WDR35: variants seen among roughly 807,000 people sequenced by gnomAD.
WDR35 encodes the protein WD repeat-containing protein 35.
A neutral mutation model predicts 158.3 loss-of-function variants in WDR35; 118 were observed. That is an observed-to-expected ratio of 0.75 (90% CI 0.64 to 0.87). WDR35 has a LOEUF of 0.87. WDR35 is among the 40% of genes least tolerant of loss of function. WDR35 has a pLI of 0.00. For missense variants in WDR35, 1,263 were observed against 1,405.8 expected (o/e 0.90, Z 1.62); for synonymous variants, 448 against 476.1 (o/e 0.94, Z 0.77).
chr2:19,974,566 T>C lies in WDR35; in HGVS notation c.638A>G (p.Tyr213Cys). The change falls in exon 7 of 27, where the codon TAC (tyrosine) becomes TGC (cysteine). Residue 213 changes from tyrosine to cysteine, a missense_variant. Tyr to Cys is a radical substitution (Grantham distance 194). Transcript: ENST00000281405. ...GAISIAGIHW[Y>C]HGTEGYVEPD... ...CTCCACGTAGCCTTCTGTGCCATGGTACCAATGAATTCCAGCAATGCTGAT... is the reference window on the plus strand; with the variant it reads ...CTCCACGTAGCCTTCTGTGCCATGGCACCAATGAATTCCAGCAATGCTGAT... The C allele has an allele frequency of 3.1e-6, 5 of 1,613,654 alleles. No individual in the cohort carries two copies. The highest frequency in any genetic ancestry group is 4.2e-6 in the Non-Finnish European group (5 of 1,179,800).
At position 19,911,318 on chromosome 2, in the gene WDR35, A is replaced by ACAT. The variant is rs974899498; in HGVS notation, c.*2239_*2240insATG. Reference sequence around the variant, plus strand: ...GAGACAGGAAAGGGAAAGAAGAGATACTCAAGCATTAGACCATGGACTAAG... The same window carrying ACAT: ...GAGACAGGAAAGGGAAAGAAGAGATACATCTCAAGCATTAGACCATGGACTAAG... On this transcript the variant is annotated 3_prime_UTR_variant, in exon 27 of 27. Transcript: ENST00000281405. The ACAT allele has an allele frequency of 1.3e-5, 2 of 152,270 alleles. No individual in the cohort carries two copies. The highest frequency in any genetic ancestry group is 4.8e-5 in the African/African-American group (2 of 41,454). 9.4% of individuals were successfully genotyped at this position (152,270 alleles called of 1,614,324 possible).
chr2:19,940,872 T>C (rs1670850797), intron 17 of WDR35, among the ~76,000 whole-genome samples: 1 of 152,186 alleles, frequency 6.6e-6, no homozygotes. Flanking sequence ...CCTAAAAGTT[T>C]CATTATGGAA....
chr2:19,941,448 C>T (rs1287630153), intron 17 of WDR35, among the ~76,000 whole-genome samples: 2 of 152,042 alleles, frequency 1.3e-5, no homozygotes, highest in Non-Finnish European at 2.9e-5. Context: ...CTCACTTGGC[C>T]GTAGCATTGT....
chr2:19,954,581 CATT>C (rs1671362947), intron 11 of WDR35, among the ~76,000 whole-genome samples: 2 of 152,116 alleles, frequency 1.3e-5, no homozygotes, highest in Non-Finnish European at 2.9e-5. Context: ...TGATCAACAA[CATT>C]AGCCATCAGG....
At chr2:19,913,991 G>A (rs1669914729) in intron 26 of WDR35, 46 bp downstream of exon 26, 1 of 1,610,762 alleles carries the variant, frequency 6.2e-7, no homozygotes, top group Non-Finnish European at 8.5e-7. Context: ...AGAAATCCAA[G>A]CTTCTAATAA....
At chr2:19,921,058 C>A (rs541625256) in intron 25 of WDR35, among the ~76,000 whole-genome samples, 2 of 152,242 alleles carry the variant, frequency 1.3e-5, no homozygotes, top group African/African-American at 4.8e-5. Context: ...GAACTACAAA[C>A]CACTGCTCAA....
chr2:19,974,170 G>C (rs1054527350), intron 7 of WDR35, among the ~76,000 whole-genome samples: 1 of 152,112 alleles, frequency 6.6e-6, no homozygotes, highest in African/African-American at 2.4e-5. Context: ...CAGCACTTTG[G>C]GAGGCTGAGG....
chr2:19,954,047 T>G, intron 11 of WDR35, 69 bp from the exon 12 acceptor site: 2 of 1,587,338 alleles, frequency 1.3e-6, no homozygotes, highest in East Asian at 4.5e-5. Flanking sequence ...TGCAAAGGCC[T>G]TTAGTAATCA....
In WDR35 at chr2:19,953,840, C is replaced by T. The variant is rs1671328101; in HGVS notation, c.1394G>A (p.Arg465Lys). The T allele has an allele frequency of 4.3e-6, 7 of 1,613,944 alleles. No homozygotes were observed. The highest frequency in any genetic ancestry group is 5.9e-6 in the Non-Finnish European group (7 of 1,180,002). The change falls in exon 12 of 27, where the codon AGA becomes AAA. Residue 465 changes from arginine (R) to lysine (K), a missense_variant. By Grantham distance (26) the Arg-to-Lys change is conservative. Transcript: ENST00000281405. Reference sequence around the variant, plus strand: ...TATGTATCAAAAGATATACCTTTCTCTCCCTTCTTTTCGAGACCGTGTGAT... The same window carrying T: ...TATGTATCAAAAGATATACCTTTCTTTCCCTTCTTTTCGAGACCGTGTGAT... ...NQITRSRKEG[R>K]ERIYHVDDTP...
intron 25 of WDR35, among the ~76,000 whole-genome samples, chr2:19,923,587 T>C (rs1572313990): frequency 1.3e-5 from 2 of 152,314 alleles, no homozygotes; most frequent in East Asian, 3.9e-4. Context: ...CCCCTCATTA[T>C]TATTTTGAAG....
intron 13 of WDR35, among the ~76,000 whole-genome samples, chr2:19,950,547 G>A (rs948845575): frequency 1.3e-5 from 2 of 152,148 alleles, no homozygotes; most frequent in African/African-American, 4.8e-5. Flanking sequence ...TGAGGGTACA[G>A]GAGAAAAGCT....
intron 5 of WDR35, 85 bp downstream of exon 5, chr2:19,978,666 A>C (rs1672286531): frequency 6.3e-7 from 1 of 1,586,602 alleles, no homozygotes; most frequent in Non-Finnish European, 8.6e-7. Context: ...CAGAATGCTA[A>C]CATATGGTAA....
chr2:19,976,069 T>A (rs1672199987), intron 5 of WDR35, among the ~76,000 whole-genome samples: 1 of 152,182 alleles, frequency 6.6e-6, no homozygotes, highest in Non-Finnish European at 1.5e-5. Context: ...CAGTCCCCTA[T>A]CCAAGGCTAA....
intron 3 of WDR35, among the ~76,000 whole-genome samples, chr2:19,981,504 T>C (rs950870784): frequency 6.6e-6 from 1 of 152,156 alleles, no homozygotes; most frequent in African/African-American, 2.4e-5. Flanking sequence ...TTAGTTGTTA[T>C]ACATCTTCAG....
At chr2:19,968,031 T>C (rs1284769430) in intron 9 of WDR35, among the ~76,000 whole-genome samples, 2 of 152,182 alleles carry the variant, frequency 1.3e-5, no homozygotes, top group Non-Finnish European at 2.9e-5. Flanking sequence ...TTTCCTTGCT[T>C]TTCATGACCT....
chr2:19,914,020 A>C lies in WDR35; in HGVS notation c.3362+17T>G, dbSNP rs755012840. ...CTAATAAGATAGAATGGCATCCACTAATTAAAATTAGCCTACCCTTCCATA... is the reference window on the plus strand; with the variant it reads ...CTAATAAGATAGAATGGCATCCACTCATTAAAATTAGCCTACCCTTCCATA... On this transcript the variant is annotated intron_variant, in intron 26 of 26. Coordinates refer to ENST00000281405, the MANE Select transcript of WDR35 (RefSeq NM_020779.4). 4.3e-6 allele frequency: 7 copies of C among 1,613,528 alleles called. No individual in the cohort carries two copies. In the South Asian group the frequency reaches 6.6e-5, roughly 15 times the overall value.
intron 11 of WDR35, among the ~76,000 whole-genome samples, chr2:19,959,029 T>C (rs966448971): frequency 1.3e-5 from 2 of 152,054 alleles, no homozygotes; most frequent in African/African-American, 2.4e-5. Context: ...ACATTTGGCA[T>C]AGAAACTTTA....
intron 2 of WDR35, 73 bp from the exon 3 acceptor site, chr2:19,982,607 G>A: frequency 6.8e-7 from 1 of 1,467,388 alleles, no homozygotes; most frequent in Non-Finnish European, 9.4e-7. Flanking sequence ...GACTCTTTTT[G>A]TATTCCTGGG....
chr2:19,961,006 T>A (rs1169257999), intron 10 of WDR35, among the ~76,000 whole-genome samples: 1 of 152,200 alleles, frequency 6.6e-6, no homozygotes, highest in East Asian at 1.9e-4. Context: ...CACTAACTTG[T>A]TAAAACATGT....
Sources: allele counts gnomAD v4.1 joint callset (sites outside exome capture counted in the v4.1 genomes callset), GRCh38; gene constraint gnomAD v4.1.1; transcripts MANE v1.5; gene names NCBI Gene and HGNC (gene_info 2026-07-23, HGNC 2026-07-21).